MOB4: variants seen among roughly 807,000 people sequenced by gnomAD.
MOB4 encodes MOB family member 4, phocein.
In MOB4, 4 loss-of-function variants were observed where a neutral mutation model predicts 32.2. The observed-to-expected ratio is 0.12, with a 90% CI of 0.06 to 0.28. The LOEUF (loss-of-function observed/expected upper bound fraction) is 0.28. Ranked by LOEUF, MOB4 falls within the 10% of genes least tolerant of loss-of-function variation. The pLI is 1.00. For synonymous variants in MOB4, 88 were observed against 88.1 expected, an observed-to-expected ratio of 1.00 and a Z score of 0.01; for missense variants, 158 against 271.2, an observed-to-expected ratio of 0.58 and a Z score of 2.93.
intron 2 of MOB4, among the ~76,000 whole-genome samples, chr2:197,531,902 C>T (rs575894520): frequency 2.0e-5 from 3 of 151,988 alleles, no homozygotes; most frequent in South Asian, 4.2e-4. Flanking sequence ...GTGGAGGACT[C>T]ATTATAGAAA....
At chr2:197,549,004 G>A (rs918441636) in intron 6 of MOB4, among the ~76,000 whole-genome samples, 2 of 152,038 alleles carry the variant, frequency 1.3e-5, no homozygotes, top group Non-Finnish European at 2.9e-5. Flanking sequence ...CGAGGCGTGC[G>A]GATCACCTGA....
Position 197,550,352 on chromosome 2 carries a change from A to T in MOB4, c.512A>T (p.Tyr171Phe). The change falls in exon 7 of 8, where the codon TAT becomes TTT. Residue 171 changes from tyrosine to phenylalanine, a missense_variant. Physicochemically the swap from Tyr to Phe is conservative, Grantham distance 22. Transcript: ENST00000323303. ...RRIYRIFSHA[Y>F]FHHRQIFDEY... ...ATTTACAGAATATTTTCACATGCTT[A>T]TTTTCATCATCGGCAGATATTTGAT... is the stretch of plus-strand genomic sequence containing the variant. 1 of 1,613,850 alleles carries T rather than the reference A, an allele frequency of 6.2e-7. No individual in the cohort carries two copies. Among genetic ancestry groups the T allele is most frequent in the Non-Finnish European group, 8.5e-7 (1 of 1,179,940 alleles).
intron 1 of MOB4, chr2:197,516,585 C>T (rs1291972965): frequency 1.2e-5 from 6 of 480,764 alleles, no homozygotes; most frequent in Non-Finnish European, 2.1e-5. Flanking sequence ...GCGTCCAGTT[C>T]CTACCTGGCC....
chr2:197,534,979 C>T (rs997247856), intron 2 of MOB4, among the ~76,000 whole-genome samples: 1 of 152,174 alleles, frequency 6.6e-6, no homozygotes, highest in Non-Finnish European at 1.5e-5. Flanking sequence ...GATTTTCTTA[C>T]TCTAGACACT....
chr2:197,535,505 A>G, intron 2 of MOB4, 25 bp from the exon 3 acceptor site: 3 of 1,567,568 alleles, frequency 1.9e-6, no homozygotes, highest in Non-Finnish European at 1.7e-6. Flanking sequence ...AATTTAATTA[A>G]CCATAAGAAC....
chr2:197,539,297 C>T (rs2086855564), intron 3 of MOB4, among the ~76,000 whole-genome samples: 1 of 150,580 alleles, frequency 6.6e-6, no homozygotes, highest in Admixed American at 6.7e-5. Flanking sequence ...AACTGATGGC[C>T]TCAGTGCAAT....
At chr2:197,533,744 AAAG>A in intron 2 of MOB4, 1 of 349,290 alleles carries the variant, frequency 2.9e-6, no homozygotes, top group African/African-American at 2.2e-5. Flanking sequence ...AAAAAAAAAA[AAAG>A]TATTTGATCC....
intron 2 of MOB4, among the ~76,000 whole-genome samples, chr2:197,524,117 G>T (rs1016046987): frequency 6.6e-6 from 1 of 152,278 alleles, no homozygotes; most frequent in African/African-American, 2.4e-5. Context: ...CACACCTGTA[G>T]TCCCAGTAGC....
At chr2:197,521,465 A>C in intron 1 of MOB4, among the ~76,000 whole-genome samples, 1 of 152,236 alleles carries the variant, frequency 6.6e-6, no homozygotes, top group East Asian at 1.9e-4. Context: ...CACCATTGTC[A>C]TTGATAACAT....
chr2:197,523,578 A>G lies in MOB4; in HGVS notation c.61-46A>G, dbSNP rs202101608. 3.6e-5 allele frequency: 56 copies of G among 1,563,304 alleles called. No homozygotes were observed. The South Asian group carries it at 6.2e-4, about 17-fold the overall frequency. The stretch of plus-strand genomic sequence containing the variant: ...TCTTTATTAAGAATTGAAGTTAATC[A>G]TAATAGTATTTTGTATGTGCTTTAA... On this transcript the variant is annotated intron_variant, in intron 1 of 7. Coordinates refer to ENST00000323303, the MANE Select transcript of MOB4 (RefSeq NM_015387.5).
chr2:197,528,169 T>G (rs1430772956), intron 2 of MOB4, among the ~76,000 whole-genome samples: 2 of 152,212 alleles, frequency 1.3e-5, no homozygotes. Flanking sequence ...TTTACTATTA[T>G]TTAGATTTAG....
intron 2 of MOB4, among the ~76,000 whole-genome samples, chr2:197,527,031 C>A (rs1027259001): frequency 6.6e-6 from 1 of 152,026 alleles, no homozygotes; most frequent in African/African-American, 2.4e-5. Flanking sequence ...TCAGGTGATC[C>A]TCTTGCCTCG....
In MOB4 at chr2:197,516,275, C is replaced by A. The variant is rs1574618391; in HGVS notation, c.60+129C>A. ...GCGGGCTGGGGCACTGGTGCCCGGC[C>A]TGCTCTTCCGGAGCTGCAGCCCCTC... On this transcript the variant is annotated intron_variant, in intron 1 of 7. Coordinates refer to ENST00000323303, the MANE Select transcript of MOB4 (RefSeq NM_015387.5). The A allele has an allele frequency of 3.4e-6, 5 of 1,462,990 alleles. No homozygotes were observed. The East Asian group carries it at 1.1e-4, about 31-fold the overall frequency. The allele number at this position is 1,462,990 out of a possible 1,614,324, so 90.6% of individuals were successfully genotyped here.
At chr2:197,526,193 T>C (rs1039584013) in intron 2 of MOB4, among the ~76,000 whole-genome samples, 5 of 152,234 alleles carry the variant, frequency 3.3e-5, no homozygotes, top group African/African-American at 1.2e-4. Context: ...GTCTTTATTA[T>C]ATTGAAGTTG....
intron 1 of MOB4, among the ~76,000 whole-genome samples, chr2:197,518,092 A>C (rs2086447427): frequency 6.6e-6 from 1 of 151,390 alleles, no homozygotes; most frequent in Admixed American, 6.6e-5. Flanking sequence ...AGTGAGCCGG[A>C]ATCGCGCCAT....
Position 197,518,724 on chromosome 2 carries a change from G to A in MOB4, c.60+2578G>A, listed in dbSNP as rs180918097. On this transcript the variant is annotated intron_variant, in intron 1 of 7. Transcript: ENST00000323303. ...ATTGCAGGTGCCTGCCACCACGCCC[G>A]GCTAATTTTATTTTTATTTTTATTT... Among the ~76,000 whole-genome samples the A allele has an allele frequency of 1.3e-3, 204 of 151,742 alleles. 6 individuals carry two copies. In the East Asian group the frequency reaches 0.032, roughly 24 times the overall value.
At chr2:197,548,050 A>G (rs2087029528) in intron 5 of MOB4, among the ~76,000 whole-genome samples, 1 of 152,182 alleles carries the variant, frequency 6.6e-6, no homozygotes, top group Non-Finnish European at 1.5e-5. Flanking sequence ...CCAGAGATAA[A>G]TCAGGATTCT....
chr2:197,516,190 C>G (rs1352076343), intron 1 of MOB4, 44 bp downstream of exon 1: 1 of 1,560,856 alleles, frequency 6.4e-7, no homozygotes, highest in Non-Finnish European at 8.7e-7. Context: ...AGGTGCCGAG[C>G]AGTGCTGCGC....
At chr2:197,521,128 G>A (rs556410541) in intron 1 of MOB4, among the ~76,000 whole-genome samples, 2 of 152,214 alleles carry the variant, frequency 1.3e-5, no homozygotes, top group Non-Finnish European at 1.5e-5. Context: ...AACCTGCCCC[G>A]ATAGTCACGT....
Sources: allele counts gnomAD v4.1 joint callset (sites outside exome capture counted in the v4.1 genomes callset), GRCh38; gene constraint gnomAD v4.1.1; transcripts MANE v1.5; gene names NCBI Gene and HGNC (gene_info 2026-07-23, HGNC 2026-07-21).